The following UROS variants were observed in gnomAD, a reference collection of about 807,000 sequenced individuals.
UROS encodes uroporphyrinogen III synthase.
UROS carries 18 observed loss-of-function variants against 33.0 expected under a neutral mutation model. The ratio of observed to expected loss-of-function variants is 0.55; its 90% CI spans 0.38 to 0.81. UROS has a LOEUF of 0.81. Ranked by LOEUF, UROS falls within the 30% of genes least tolerant of loss-of-function variation. The pLI is 0.00. For synonymous variants in UROS, 114 were observed against 121.1 expected, an observed-to-expected ratio of 0.94 and a Z score of 0.38; for missense variants, 293 against 314.9, an observed-to-expected ratio of 0.93 and a Z score of 0.53.
At chr10:125,811,995 C>T (rs961244992) in intron 5 of UROS, among the ~76,000 whole-genome samples, 2 of 152,114 alleles carry the variant, frequency 1.3e-5, no homozygotes, top group African/African-American at 4.8e-5. Context: ...ACATACTGAC[C>T]AAGTGGTTCT....
chr10:125,802,774 C>T (rs917730443), intron 6 of UROS: 6 of 1,427,622 alleles, frequency 4.2e-6, no homozygotes, highest in East Asian at 2.5e-5. Context: ...TGAGATGGCA[C>T]GAACTCCCAG....
At chr10:125,814,939 C>G in intron 4 of UROS, 95 bp downstream of exon 4, 1 of 1,370,662 alleles carries the variant, frequency 7.3e-7, no homozygotes, top group Non-Finnish European at 1.0e-6. Flanking sequence ...ACTCACTTCT[C>G]TTAGAAGTGC....
rs888797015 is a variant in UROS at position 125,823,253 on chromosome 10, G to T, written c.-251C>A. Reference sequence around the variant, plus strand: ...TGGCTGCGCGCAGCTAGGCGCTCGCGCATGCGCACCGCCATCCAGGCCACG... The same window carrying T: ...TGGCTGCGCGCAGCTAGGCGCTCGCTCATGCGCACCGCCATCCAGGCCACG... On this transcript the variant is annotated 5_prime_UTR_variant, in exon 1 of 10. Transcript: ENST00000368797. 3 of 282,658 alleles carry T rather than the reference G, an allele frequency of 1.1e-5. No individual in the cohort carries two copies. Among genetic ancestry groups the T allele is most frequent in the Non-Finnish European group, 2.0e-5 (3 of 150,036 alleles). The allele number at this position is 282,658 out of a possible 1,614,324, so 17.5% of individuals were successfully genotyped here. A position where few individuals can be genotyped will look rare whatever the true frequency, so the allele number is the denominator to read the frequency against.
Position 125,791,367 on chromosome 10 carries a change from A to T in UROS, c.661-2362T>A, listed in dbSNP as rs116683044. On this transcript the variant is annotated intron_variant, in intron 9 of 9. Coordinates refer to ENST00000368797, the MANE Select transcript of UROS (RefSeq NM_000375.3). ...GACATGGAGGATATGGAGAAACTGG[A>T]ACCCTTACACATTGCTAGTGACAAT... is the stretch of plus-strand genomic sequence containing the variant. 4.5e-3 allele frequency among the ~76,000 whole-genome samples: 689 copies of T among 152,334 alleles called. 3 individuals are homozygous for T. The highest frequency in any genetic ancestry group is 0.015 in the African/African-American group (637 of 41,576).
intron 6 of UROS, 110 bp downstream of exon 6, chr10:125,807,303 T>G (rs1003061466): frequency 3.2e-6 from 3 of 947,072 alleles, no homozygotes; most frequent in South Asian, 2.7e-5. Flanking sequence ...TGCTCACCAA[T>G]CAATCTCACC....
intron 1 of UROS, among the ~76,000 whole-genome samples, chr10:125,818,362 G>A (rs896800530): frequency 1.3e-5 from 2 of 151,998 alleles, no homozygotes; most frequent in South Asian, 2.1e-4. Flanking sequence ...GCATAGTGGC[G>A]CATCCCTGTA....
Position 125,816,483 on chromosome 10 carries a change from A to G in UROS, c.17T>C (p.Leu6Pro). MKVLL[L>P]KDAKEDDCGQ... ...ACAGTCATCTTCCTTCGCATCCTTC[A>G]GTAAAAGAACCTTCATTATTGCCTG... The change falls in exon 2 of 10, where the codon CTG (leucine) becomes CCG (proline). Residue 6 changes from leucine to proline, a missense_variant. Coordinates refer to ENST00000368797, the MANE Select transcript of UROS (RefSeq NM_000375.3). 1 of 1,614,202 alleles carries G rather than the reference A, an allele frequency of 6.2e-7. No individual in the cohort carries two copies. The highest frequency in any genetic ancestry group is 8.5e-7 in the Non-Finnish European group (1 of 1,180,022).
chr10:125,815,569 C>T (rs766947398), intron 3 of UROS, among the ~76,000 whole-genome samples: 7 of 152,098 alleles, frequency 4.6e-5, no homozygotes, highest in Non-Finnish European at 7.3e-5. Context: ...TATCATCTAC[C>T]GAACATTTAC....
intron 5 of UROS, among the ~76,000 whole-genome samples, chr10:125,809,863 C>T (rs1325148604): frequency 1.3e-5 from 2 of 152,294 alleles, no homozygotes; most frequent in African/African-American, 4.8e-5. Context: ...CTGCACCCAG[C>T]CAGCATGTAC....
downstream of UROS, among the ~76,000 whole-genome samples, chr10:125,787,243 G>A (rs551344227): frequency 1.4e-4 from 22 of 152,306 alleles, no homozygotes; most frequent in African/African-American, 5.3e-4. Context: ...CTCTGAAAAG[G>A]AACCTATTTT....
In UROS at chr10:125,820,617, C is replaced by T. The variant is rs144974140; in HGVS notation, c.-27+2412G>A. Among the ~76,000 whole-genome samples, 260 of 152,330 alleles carry T rather than the reference C, an allele frequency of 1.7e-3. 1 individual carries two copies. Among genetic ancestry groups the T allele is most frequent in the African/African-American group, 6.0e-3 (249 of 41,584 alleles). ...ATGACATGTAAAAGTAACTATCACACTGGGCTAAGCATTTTACATGCAAGA... is the reference window on the plus strand; with the variant it reads ...ATGACATGTAAAAGTAACTATCACATTGGGCTAAGCATTTTACATGCAAGA... On this transcript the variant is annotated intron_variant, in intron 1 of 9. Coordinates refer to ENST00000368797, the MANE Select transcript of UROS (RefSeq NM_000375.3).
chr10:125,786,289 T>C (rs1208002040), downstream of UROS, among the ~76,000 whole-genome samples: 1 of 152,026 alleles, frequency 6.6e-6, no homozygotes, highest in Non-Finnish European at 1.5e-5. Flanking sequence ...TTTTTTTTTT[T>C]TTTTTTAGAC....
rs201003890 is a variant in UROS at position 125,794,995 on chromosome 10, A to G, written c.562-17T>C. 37 of 1,602,002 alleles carry G rather than the reference A, an allele frequency of 2.3e-5. No homozygotes were observed. Among genetic ancestry groups the G allele is most frequent in the Admixed American group, 3.3e-5 (2 of 60,016 alleles). ...TGGAACCCCCTGTGGGGAACAGAAA[A>G]CAAGATCAGTCCTTGCCATGAGACT... On this transcript the variant is annotated splice_polypyrimidine_tract_variant and intron_variant, in intron 8 of 9. Coordinates refer to ENST00000368797, the MANE Select transcript of UROS (RefSeq NM_000375.3).
intron 9 of UROS, chr10:125,794,468 TA>T (rs2133823025): frequency 1.6e-6 from 1 of 643,484 alleles, no homozygotes; most frequent in Non-Finnish European, 2.0e-6. Flanking sequence ...GTAAACCCTT[TA>T]AAAGATATGA....
intron 7 of UROS, 34 bp downstream of exon 7, chr10:125,798,031 G>A (rs758781233): frequency 1.9e-6 from 3 of 1,610,672 alleles, no homozygotes; most frequent in East Asian, 4.5e-5. Flanking sequence ...GGATCCCAAA[G>A]TGGTAAGGGA....
chr10:125,815,061 A>T lies in UROS; in HGVS notation c.217T>A (p.Cys73Ser). Residue 73 changes from cysteine (C) to serine (S), a missense_variant, in exon 4 of 10, where the codon TGT becomes AGT. Physicochemically the swap from Cys to Ser is moderately radical, Grantham distance 112 (BLOSUM62 -1). Transcript: ENST00000368797. ...SPRAVEAAEL[C>S]LEQNNKTEVW... is the part of the protein sequence containing the mutation. ...TCAGTTTTATTGTTTTGCTCCAAAC[A>T]TAACTCTGCTGCTTCCACTGCTCTG... 6.2e-7 allele frequency: 1 copy of T among 1,614,222 alleles called. No homozygotes were observed.
chr10:125,819,338 T>C (rs1853644869), intron 1 of UROS, among the ~76,000 whole-genome samples: 1 of 152,190 alleles, frequency 6.6e-6, no homozygotes, highest in Non-Finnish European at 1.5e-5. Context: ...CGGTCACTTT[T>C]TCTGCCTTAT....
At chr10:125,811,789 A>G (rs1852835268) in intron 5 of UROS, among the ~76,000 whole-genome samples, 2 of 135,018 alleles carry the variant, frequency 1.5e-5, no homozygotes, top group South Asian at 4.8e-4. Flanking sequence ...AAAAATGCAC[A>G]AAATATTAAG....
At chr10:125,798,243 G>GA in intron 6 of UROS, 98 bp from the exon 7 acceptor site, 1 of 1,261,418 alleles carries the variant, frequency 7.9e-7, no homozygotes, top group Non-Finnish European at 1.1e-6. Flanking sequence ...AGCAGCCCTG[G>GA]GCTCCAGGCC....
Sources: allele counts gnomAD v4.1 joint callset (sites outside exome capture counted in the v4.1 genomes callset), GRCh38; gene constraint gnomAD v4.1.1; transcripts MANE v1.5; gene names NCBI Gene and HGNC (gene_info 2026-07-23, HGNC 2026-07-21).